The following COL23A1 variants were observed in gnomAD, a reference collection of about 807,000 sequenced individuals.
COL23A1 encodes collagen type XXIII alpha 1 chain.
A neutral mutation model predicts 99.3 loss-of-function variants in COL23A1; 97 were observed. The ratio of observed to expected loss-of-function variants is 0.98; its 90% CI spans 0.83 to 1.16. COL23A1 has a LOEUF of 1.16. COL23A1 is among the 50% of genes most tolerant of loss of function. The probability of loss-of-function intolerance (pLI) is 0.00; values close to 1 mark genes in which losing one functional copy is unlikely to be tolerated. For synonymous variants in COL23A1, 320 were observed against 308.2 expected (o/e 1.04, Z -0.40); for missense variants, 762 against 757.4 (o/e 1.01, Z -0.07).
intron 2 of COL23A1, among the ~76,000 whole-genome samples, chr5:178,354,337 T>C (rs1024513172): frequency 2.6e-5 from 4 of 152,104 alleles, no homozygotes; most frequent in African/African-American, 9.7e-5. Flanking sequence ...GCCTCGAAAA[T>C]AGCTGCGACT....
chr5:178,243,200 CAAAG>C (rs202032723), intron 25 of COL23A1, among the ~76,000 whole-genome samples: 1 of 112,120 alleles, frequency 8.9e-6, no homozygotes, highest in East Asian at 2.4e-4. Context: ...AAAAAACAAA[CAAAG>C]AGGCCAGGCA....
At chr5:178,242,015 G>T in intron 27 of COL23A1, 27 bp downstream of exon 27, 1 of 1,535,958 alleles carries the variant, frequency 6.5e-7, no homozygotes, top group Non-Finnish European at 8.8e-7. Context: ...AAAAAGACCT[G>T]GGGCAGGGCC....
intron 3 of COL23A1, among the ~76,000 whole-genome samples, chr5:178,293,035 G>C (rs1009162819): frequency 6.6e-6 from 1 of 152,052 alleles, no homozygotes; most frequent in Non-Finnish European, 1.5e-5. Flanking sequence ...GGGTCTGATG[G>C]GAGAGGGTTT....
chr5:178,259,801 C>T, intron 11 of COL23A1, 54 bp from the exon 12 acceptor site: 1 of 1,505,796 alleles, frequency 6.6e-7, no homozygotes, highest in Non-Finnish European at 9.0e-7. Context: ...AGGAGAGTGG[C>T]CCGGACCCCG....
At chr5:178,326,737 T>G (rs1255423565) in intron 2 of COL23A1, among the ~76,000 whole-genome samples, 1 of 152,238 alleles carries the variant, frequency 6.6e-6, no homozygotes. Flanking sequence ...TTATTGTTTT[T>G]GAGACGGAGT....
rs562093934 is a variant in COL23A1 at position 178,320,533 on chromosome 5, C to T, written c.362-13614G>A. 1.1e-3 allele frequency among the ~76,000 whole-genome samples: 163 copies of T among 152,334 alleles called. 1 individual carries two copies. The highest frequency in any genetic ancestry group is 3.7e-3 in the African/African-American group (154 of 41,576). On this transcript the variant is annotated intron_variant, in intron 2 of 28. Transcript: ENST00000390654. ...AGGATGCTGAGGTCTGAGGAAGCCG[C>T]GCCAGCTGTGCAGTTTGCAGACCAC... is the stretch of plus-strand genomic sequence containing the variant.
At chr5:178,258,703 TTTG>T (rs936720804) in intron 12 of COL23A1, among the ~76,000 whole-genome samples, 3 of 151,772 alleles carry the variant, frequency 2.0e-5, no homozygotes, top group African/African-American at 4.8e-5. Flanking sequence ...TCTGGTTTTT[TTTG>T]GTTTTTGAGA....
intron 2 of COL23A1, among the ~76,000 whole-genome samples, chr5:178,474,471 A>C (rs1215458707): frequency 6.6e-6 from 1 of 152,178 alleles, no homozygotes; most frequent in Non-Finnish European, 1.5e-5. Flanking sequence ...TGAGGTTTTT[A>C]TTGAAAATAT....
intron 3 of COL23A1, among the ~76,000 whole-genome samples, chr5:178,303,063 C>A (rs140359160): frequency 0.093 from 14,175 of 152,246 alleles, 770 homozygotes; most frequent in Middle Eastern, 0.18. Flanking sequence ...TGCAGTGGTG[C>A]AGTCTCAGCT....
At chr5:178,283,383 T>C (rs1403331442) in intron 5 of COL23A1, among the ~76,000 whole-genome samples, 1 of 152,198 alleles carries the variant, frequency 6.6e-6, no homozygotes, top group East Asian at 1.9e-4. Context: ...TCATGACCTG[T>C]GCACTTGCTT....
chr5:178,351,505 T>A (rs1401735250), intron 2 of COL23A1, among the ~76,000 whole-genome samples: 2 of 152,050 alleles, frequency 1.3e-5, no homozygotes, highest in African/African-American at 4.8e-5. Flanking sequence ...GCTGGTGAGC[T>A]GCCACAGGAC....
intron 1 of COL23A1, among the ~76,000 whole-genome samples, chr5:178,576,249 T>C (rs1202030651): frequency 6.6e-6 from 1 of 152,226 alleles, no homozygotes; most frequent in African/African-American, 2.4e-5. Flanking sequence ...CATTATCCTT[T>C]TTTTTTAGAC....
chr5:178,584,273 GTGCTGGGATTA>G (rs1358960254), intron 1 of COL23A1, among the ~76,000 whole-genome samples: 1 of 151,428 alleles, frequency 6.6e-6, no homozygotes, highest in Non-Finnish European at 1.5e-5. Flanking sequence ...GCCTCCCAAA[GTGCTGGGATTA>G]CAGGTGTGAG....
intron 2 of COL23A1, among the ~76,000 whole-genome samples, chr5:178,515,707 G>A (rs1163505056): frequency 1.3e-5 from 2 of 152,052 alleles, no homozygotes; most frequent in African/African-American, 2.4e-5. Context: ...CCGGCTCTGC[G>A]GCTACAGAGC....
chr5:178,378,699 C>T (rs866594095), intron 2 of COL23A1, among the ~76,000 whole-genome samples: 14 of 152,140 alleles, frequency 9.2e-5, no homozygotes, highest in African/African-American at 3.4e-4. Flanking sequence ...GCTGAGTGCC[C>T]AGGGAGGTTT....
At chr5:178,341,888 C>T (rs562485099) in intron 2 of COL23A1, among the ~76,000 whole-genome samples, 15 of 152,308 alleles carry the variant, frequency 9.8e-5, no homozygotes, top group African/African-American at 3.4e-4. Context: ...ACTGCCTTCA[C>T]GTCTTTGCTC....
At chr5:178,469,889 C>T (rs1298808029) in intron 2 of COL23A1, among the ~76,000 whole-genome samples, 2 of 152,152 alleles carry the variant, frequency 1.3e-5, no homozygotes, top group African/African-American at 4.8e-5. Context: ...AGGGAGCTTT[C>T]GTCATGCTAA....
intron 2 of COL23A1, among the ~76,000 whole-genome samples, chr5:178,495,855 G>A (rs73338692): frequency 0.013 from 2,020 of 152,190 alleles, 55 homozygotes; most frequent in African/African-American, 0.046. Context: ...TCCCTATATT[G>A]AGTCTTTTAG....
chr5:178,253,306 C>A (rs1765131011), intron 16 of COL23A1, among the ~76,000 whole-genome samples: 1 of 142,072 alleles, frequency 7.0e-6, no homozygotes, highest in Non-Finnish European at 1.5e-5. Context: ...CTATCCTGTG[C>A]CCTTCTTGTT....
Sources: allele counts gnomAD v4.1 joint callset (sites outside exome capture counted in the v4.1 genomes callset), GRCh38; gene constraint gnomAD v4.1.1; transcripts MANE v1.5; gene names NCBI Gene and HGNC (gene_info 2026-07-23, HGNC 2026-07-21).